The following FRYL variants were observed in gnomAD, a reference collection of about 807,000 sequenced individuals.
FRYL encodes FRY like transcription coactivator.
FRYL carries 150 observed loss-of-function variants against 351.2 expected under a neutral mutation model. That is an observed-to-expected ratio of 0.43 (90% CI 0.37 to 0.49). The LOEUF (loss-of-function observed/expected upper bound fraction) is 0.49, where lower values mean the gene tolerates loss of function less well. Ranked by LOEUF, FRYL falls within the 20% of genes least tolerant of loss-of-function variation. The probability of loss-of-function intolerance (pLI) is 0.00; values close to 1 mark genes in which losing one functional copy is unlikely to be tolerated. For missense variants in FRYL, 3,036 were observed against 3,619.3 expected (o/e 0.84, Z 4.13); for synonymous variants, 1,153 against 1,257.1 (o/e 0.92, Z 1.75).
chr4:48,593,719 C>G (rs1744017226), intron 16 of FRYL, among the ~76,000 whole-genome samples: 1 of 152,076 alleles, frequency 6.6e-6, no homozygotes, highest in African/African-American at 2.4e-5. Context: ...GCCTGGGCAA[C>G]AAGAGCAAAA....
intron 43 of FRYL, 93 bp downstream of exon 43, chr4:48,544,690 C>T (rs1475223642): frequency 4.0e-6 from 4 of 1,011,812 alleles, no homozygotes; most frequent in Non-Finnish European, 4.2e-6. Context: ...TTAGAGGTAT[C>T]ACAATATCAA....
chr4:48,639,684 C>T (rs1021546252), intron 3 of FRYL, among the ~76,000 whole-genome samples: 4 of 151,886 alleles, frequency 2.6e-5, no homozygotes, highest in Admixed American at 2.6e-4. Flanking sequence ...AAAATGAAGC[C>T]TCGAGCTCTG....
At position 48,581,525 on chromosome 4, in the gene FRYL, G is replaced by T; in HGVS notation, c.2067C>A (p.Gly689=). ...PYSNVFHVVE[G]FALVILCSSR... ...TGCTACAGAGAATGACAAGCGCAAA[G>T]CCTTCAACCACATGGAATACATTGG... is the stretch of plus-strand genomic sequence containing the variant. The change falls in exon 21 of 64, where the codon GGC becomes GGA. Residue 689 remains glycine (G), a synonymous_variant. Coordinates refer to ENST00000358350, the MANE Select transcript of FRYL (RefSeq NM_015030.2). 6.2e-7 allele frequency: 1 copy of T among 1,613,980 alleles called. No homozygotes were observed. Among genetic ancestry groups the T allele is most frequent in the Non-Finnish European group, 8.5e-7 (1 of 1,179,970 alleles).
intron 23 of FRYL, 137 bp downstream of exon 23, chr4:48,578,836 C>A: frequency 1.5e-6 from 1 of 684,212 alleles, no homozygotes; most frequent in South Asian, 2.1e-5. Flanking sequence ...ATTCTTCTCC[C>A]TCCTTAAGAC....
At chr4:48,694,161 C>T (rs1386038115) in intron 2 of FRYL, among the ~76,000 whole-genome samples, 3 of 151,786 alleles carry the variant, frequency 2.0e-5, no homozygotes, top group Non-Finnish European at 2.9e-5. Context: ...CTGCATATCT[C>T]GGGATGAAGA....
At chr4:48,545,173 G>A (rs1195502230) in intron 42 of FRYL, among the ~76,000 whole-genome samples, 1 of 152,136 alleles carries the variant, frequency 6.6e-6, no homozygotes, top group Non-Finnish European at 1.5e-5. Context: ...AAGCATATTG[G>A]TTACTGCTTA....
At chr4:48,533,023 G>T (rs1452172272) in intron 49 of FRYL, among the ~76,000 whole-genome samples, 1 of 152,130 alleles carries the variant, frequency 6.6e-6, no homozygotes, top group Admixed American at 6.5e-5. Flanking sequence ...AAAGTGAGAA[G>T]TCTGCCACAC....
At chr4:48,557,426 C>CA in intron 34 of FRYL, 27 bp downstream of exon 34, 1 of 1,611,166 alleles carries the variant, frequency 6.2e-7, no homozygotes, top group Non-Finnish European at 8.5e-7. Flanking sequence ...TTCTGTGCAG[C>CA]AATTATAAAT....
At chr4:48,529,135 T>C (rs1254953322) in intron 50 of FRYL, among the ~76,000 whole-genome samples, 2 of 152,166 alleles carry the variant, frequency 1.3e-5, no homozygotes, top group Non-Finnish European at 2.9e-5. Context: ...TGTTGCCCCT[T>C]TGCATGGAAT....
intron 30 of FRYL, 64 bp downstream of exon 30, chr4:48,564,869 A>T: frequency 1.2e-6 from 1 of 844,084 alleles, no homozygotes; most frequent in Non-Finnish European, 1.9e-6. Flanking sequence ...AGTGCAACAT[A>T]CATTAACTGC....
intron 45 of FRYL, 47 bp downstream of exon 45, chr4:48,541,980 G>T: frequency 8.2e-7 from 1 of 1,225,588 alleles, no homozygotes; most frequent in Non-Finnish European, 1.2e-6. Flanking sequence ...TATGTAGTTA[G>T]CTATTCAAGT....
At chr4:48,507,730 T>C (rs1253112739) in intron 59 of FRYL, among the ~76,000 whole-genome samples, 2 of 152,118 alleles carry the variant, frequency 1.3e-5, no homozygotes, top group East Asian at 1.9e-4. Flanking sequence ...GATAGATAGA[T>C]AGATAGATCG....
chr4:48,517,543 C>T (rs1477128884), intron 55 of FRYL, among the ~76,000 whole-genome samples: 16 of 152,126 alleles, frequency 1.1e-4, no homozygotes, highest in Admixed American at 9.8e-4. Flanking sequence ...GACACATGCA[C>T]ATATGCTTTG....
At chr4:48,683,492 C>G (rs1764874499) in intron 3 of FRYL, among the ~76,000 whole-genome samples, 1 of 151,458 alleles carries the variant, frequency 6.6e-6, no homozygotes, top group Non-Finnish European at 1.5e-5. Context: ...ATTCTCCTAT[C>G]ACATTACTTA....
At chr4:48,609,721 T>A in intron 8 of FRYL, 23 bp downstream of exon 8, 1 of 1,265,208 alleles carries the variant, frequency 7.9e-7, no homozygotes, top group Non-Finnish European at 1.1e-6. Context: ...AAGGCAACAA[T>A]CCCAAGTTAG....
intron 57 of FRYL, among the ~76,000 whole-genome samples, chr4:48,511,909 C>T (rs920349074): frequency 8.5e-5 from 13 of 152,170 alleles, no homozygotes; most frequent in African/African-American, 3.1e-4. Flanking sequence ...CTTAGTTTCC[C>T]TCTCCACTGA....
chr4:48,596,078 C>G, intron 13 of FRYL, 78 bp from the exon 14 acceptor site: 4 of 921,152 alleles, frequency 4.3e-6, no homozygotes, highest in Non-Finnish European at 6.7e-6. Flanking sequence ...CTGTCAACAA[C>G]TAAAAGCCAA....
intron 1 of FRYL, among the ~76,000 whole-genome samples, chr4:48,756,595 T>A (rs1578938991): frequency 6.6e-6 from 1 of 152,224 alleles, no homozygotes; most frequent in Admixed American, 6.5e-5. Flanking sequence ...ATAGTGTTTA[T>A]TAGAAGACAC....
Position 48,780,216 on chromosome 4 carries a change from T to G in FRYL, c.-522A>C, listed in dbSNP as rs1202784515. The G allele has an allele frequency of 6.6e-6, 1 of 152,414 alleles. No individual in the cohort carries two copies. Among genetic ancestry groups the G allele is most frequent in the Non-Finnish European group, 1.5e-5 (1 of 68,110 alleles). The allele number at this position is 152,414 out of a possible 1,614,324, so 9.4% of individuals were successfully genotyped here. On this transcript the variant is annotated 5_prime_UTR_variant, in exon 1 of 64. Transcript: ENST00000358350. ...ATCGGAACCGATCTGTGGTTAAACC[T>G]CCCTCCGACTCTGATTTTAACCGGA...
Sources: gnomAD v4.1 joint callset for allele counts (sites outside exome capture counted in the v4.1 genomes callset) on GRCh38, gnomAD v4.1.1 for gene constraint, MANE v1.5 for transcripts, NCBI Gene and HGNC (gene_info 2026-07-23, HGNC 2026-07-21) for gene names.